ITGA10: variants seen among roughly 807,000 people sequenced by gnomAD.
ITGA10 encodes the protein integrin subunit alpha 10, also known as integrin alpha-10.
In ITGA10, 105 loss-of-function variants were observed where a neutral mutation model predicts 145.2. The ratio of observed to expected loss-of-function variants is 0.72; its 90% CI spans 0.62 to 0.85. The LOEUF is 0.85. Ranked by LOEUF, ITGA10 falls within the 40% of genes least tolerant of loss-of-function variation. ITGA10 has a pLI of 0.00. For synonymous variants in ITGA10, 506 were observed against 557.8 expected, an observed-to-expected ratio of 0.91 and a Z score of 1.31; for missense variants, 1,317 against 1,444.5, an observed-to-expected ratio of 0.91 and a Z score of 1.43.
rs1176258297 is a variant in ITGA10 at position 145,903,014 on chromosome 1, CACACACACAT to C, written c.759-63_759-54del. On this transcript the variant is annotated intron_variant, in intron 7 of 29. Transcript: ENST00000369304. ...TCAGATGTATGCAGACACACACACACACACACACATACACACACACACACACACACACACA... is the reference window on the plus strand; with the variant it reads ...TCAGATGTATGCAGACACACACACACACACACACACACACACACACACACA... The C allele has an allele frequency of 3.2e-4, 279 of 866,590 alleles. 4 individuals carry two copies. The highest frequency in any genetic ancestry group is 3.2e-4 in the South Asian group (16 of 49,696). The allele number at this position is 866,590 out of a possible 1,614,324, so 53.7% of individuals were successfully genotyped here.
At chr1:145,898,059 C>T (rs782245485) in intron 18 of ITGA10, 51 bp downstream of exon 18, 5 of 1,414,190 alleles carry the variant, frequency 3.5e-6, no homozygotes, top group East Asian at 4.6e-5. Context: ...TCCCTTTTCT[C>T]TTGAAGGAGG....
chr1:145,906,994 G>A, intron 3 of ITGA10, 47 bp downstream of exon 3: 14 of 1,373,012 alleles, frequency 1.0e-5, no homozygotes, highest in Non-Finnish European at 1.4e-5. Context: ...AGCTTCTAGA[G>A]TATCAAAGTC....
intron 4 of ITGA10, 87 bp downstream of exon 4, chr1:145,906,645 TC>T: frequency 7.6e-7 from 1 of 1,316,670 alleles, no homozygotes; most frequent in Non-Finnish European, 1.1e-6. Context: ...CCTTGACCCC[TC>T]CACACAGACC....
chr1:145,892,692 A>G lies in ITGA10; in HGVS notation c.*106T>C. 1 of 796,820 alleles carries G rather than the reference A, an allele frequency of 1.3e-6. No homozygotes were observed. The highest frequency in any genetic ancestry group is 2.1e-6 in the Non-Finnish European group (1 of 466,520). The allele number at this position is 796,820 out of a possible 1,614,324, so 49.4% of individuals were successfully genotyped here. ...AGTCAGGCTGCTGGTCTGGGGAGATAGTCCAGAGGCGGCTTCTTGTCCCAT... is the reference window on the plus strand; with the variant it reads ...AGTCAGGCTGCTGGTCTGGGGAGATGGTCCAGAGGCGGCTTCTTGTCCCAT... On this transcript the variant is annotated 3_prime_UTR_variant, in exon 30 of 30. Transcript: ENST00000369304.
At chr1:145,902,059 G>A (rs376919596) in intron 10 of ITGA10, 38 bp from the exon 11 acceptor site, 387 of 1,602,758 alleles carry the variant, frequency 2.4e-4, no homozygotes, top group Admixed American at 2.4e-4. Flanking sequence ...TGAGAAGACA[G>A]TGGGGAATAA....
At position 145,904,198 on chromosome 1, in the gene ITGA10, C is replaced by T; in HGVS notation, c.612G>A (p.Val204=). Residue 204 remains valine, a splice_region_variant and synonymous_variant, in exon 7 of 30, where the codon GTG becomes GTA. Coordinates refer to ENST00000369304, the MANE Select transcript of ITGA10 (RefSeq NM_003637.5). ...KLFIDPEQIQ[V]GLVQYGESPV... ...GGCTCTCCCCATACTGTACCAGTCC[C>T]ACCTGGGAATAAAGCGCATTCAAAT... 2 of 1,614,076 alleles carry T rather than the reference C, an allele frequency of 1.2e-6. No individual in the cohort carries two copies. The highest frequency in any genetic ancestry group is 1.7e-6 in the Non-Finnish European group (2 of 1,179,974).
chr1:145,895,893 C>A, intron 25 of ITGA10, 90 bp downstream of exon 25: 1 of 1,125,192 alleles, frequency 8.9e-7, no homozygotes, highest in Non-Finnish European at 1.3e-6. Context: ...AGCAGAGGCC[C>A]AACAGATAGG....
At chr1:145,896,963 A>C (rs782383339) in intron 22 of ITGA10, 48 bp downstream of exon 22, 73 of 1,566,684 alleles carry the variant, frequency 4.7e-5, no homozygotes, top group Non-Finnish European at 6.3e-5. Context: ...CCTCCAGTCA[A>C]GACTCAGTAG....
At chr1:145,909,589 A>C (rs1657614219) in intron 1 of ITGA10, among the ~76,000 whole-genome samples, 1 of 133,826 alleles carries the variant, frequency 7.5e-6, no homozygotes, top group African/African-American at 3.0e-5. Flanking sequence ...ATTATGTTAC[A>C]TATTATATGT....
Position 145,901,626 on chromosome 1 carries a change from G to A in ITGA10, c.1333C>T (p.Arg445Cys), listed in dbSNP as rs782071962. The A allele has an allele frequency of 1.1e-5, 17 of 1,592,370 alleles. No individual in the cohort carries two copies. The highest frequency in any genetic ancestry group is 2.3e-5 in the South Asian group (2 of 87,834). ...VSSMLLRGGRRLFLSGAPRFR... is the reference protein window; with the variant it reads ...VSSMLLRGGRCLFLSGAPRFR... ...CGAGGAGCCCCAGAGAGAAACAGGC[G>A]GCGTCCACCCCGCAAAAGCATGGAA... Residue 445 changes from arginine to cysteine, a missense_variant, in exon 12 of 30, where the codon CGC becomes TGC. Coordinates refer to ENST00000369304, the MANE Select transcript of ITGA10 (RefSeq NM_003637.5). This position sits in a 1 kb window ranked among gnomAD's most constrained non-coding sequence, Gnocchi z 4.3.
chr1:145,904,651 C>G, intron 6 of ITGA10, 33 bp downstream of exon 6: 1 of 1,611,416 alleles, frequency 6.2e-7, no homozygotes, highest in Non-Finnish European at 8.5e-7. Flanking sequence ...GTGCCACAAG[C>G]AACTGTGCCC....
At chr1:145,909,339 T>TC (rs1657538848) in intron 1 of ITGA10, among the ~76,000 whole-genome samples, 1 of 150,470 alleles carries the variant, frequency 6.6e-6, no homozygotes, top group African/African-American at 2.4e-5. Flanking sequence ...GCGTACCTAG[T>TC]AGTCCCAACT....
At chr1:145,893,313 T>C (rs369709515) in intron 28 of ITGA10, 39 bp from the exon 29 acceptor site, 5 of 1,413,054 alleles carry the variant, frequency 3.5e-6, no homozygotes, top group Non-Finnish European at 5.0e-6. Context: ...ATGCATCCTA[T>C]AACCCAGCTA....
At chr1:145,904,020 A>T in intron 7 of ITGA10, 32 bp downstream of exon 7, 1 of 1,612,336 alleles carries the variant, frequency 6.2e-7, no homozygotes. Flanking sequence ...TCATTGCTCT[A>T]GCCTCCCACA....
chr1:145,895,532 G>A, intron 26 of ITGA10, 99 bp downstream of exon 26: 1 of 1,395,588 alleles, frequency 7.2e-7, no homozygotes, highest in Non-Finnish European at 1.0e-6. Flanking sequence ...CCCTGGGGTG[G>A]AAAGATCCCT....
chr1:145,907,060 TG>T lies in ITGA10; in HGVS notation c.254del (p.Pro85HisfsTer7). ...RCPVGGAHNA[P>X]CAKGHLGDYQ... ...TCTCACCTAAGTGGCCCTTGGCACA[TG>T]GGGCATTGTGGGCCCCCCCTACAGG... is the stretch of plus-strand genomic sequence containing the variant. On this transcript the variant is annotated frameshift_variant, in exon 3 of 30. Transcript: ENST00000369304. LOFTEE classifies it high-confidence loss of function. The T allele has an allele frequency of 6.4e-7, 1 of 1,557,370 alleles. No individual in the cohort carries two copies. The highest frequency in any genetic ancestry group is 1.2e-5 in the South Asian group (1 of 84,410).
intron 5 of ITGA10, 189 bp downstream of exon 5, chr1:145,906,205 A>G: frequency 1.9e-6 from 1 of 531,040 alleles, no homozygotes; most frequent in Admixed American, 3.3e-5. Flanking sequence ...CTAGAATTAC[A>G]GGTGTGGGCC....
intron 7 of ITGA10, among the ~76,000 whole-genome samples, chr1:145,903,357 G>A (rs587693519): frequency 4.6e-5 from 7 of 152,248 alleles, no homozygotes; most frequent in African/African-American, 1.2e-4. Flanking sequence ...TTTTACCACC[G>A]TGCCCCTAGA....
Position 145,899,275 on chromosome 1 carries a change from C to T in ITGA10, c.1989G>A (p.Gln663=). 1 of 1,614,238 alleles carries T rather than the reference C, an allele frequency of 6.2e-7. No individual in the cohort carries two copies. The highest frequency in any genetic ancestry group is 8.5e-7 in the Non-Finnish European group (1 of 1,180,050). ...EVTPQAISVV[Q]RDCRRRGQEA... Reference sequence around the variant, plus strand: ...CTTGGCCTCGCCGCCTACAGTCCCTCTGAACCACACTGATGGCCTGTGGGG... The same window carrying T: ...CTTGGCCTCGCCGCCTACAGTCCCTTTGAACCACACTGATGGCCTGTGGGG... The change falls in exon 16 of 30, where the codon CAG becomes CAA. Residue 663 remains glutamine, a synonymous_variant. Coordinates refer to ENST00000369304, the MANE Select transcript of ITGA10 (RefSeq NM_003637.5).
Sources: gnomAD v4.1 joint callset for allele counts (sites outside exome capture counted in the v4.1 genomes callset) on GRCh38, gnomAD v4.1.1 for gene constraint, Gnocchi (gnomAD v3.1) non-coding constraint, MANE v1.5 for transcripts, NCBI Gene and HGNC (gene_info 2026-07-23, HGNC 2026-07-21) for gene names.